The following OPTC variants were observed in gnomAD, a reference collection of about 807,000 sequenced individuals.
The protein encoded by OPTC is oculoglycan.
OPTC carries 22 observed loss-of-function variants against 25.4 expected under a neutral mutation model. The ratio of observed to expected loss-of-function variants is 0.87; its 90% confidence interval spans 0.62 to 1.24. OPTC has a LOEUF of 1.24. OPTC is among the 50% of genes most tolerant of loss of function. The pLI is 0.00. For missense variants in OPTC, 417 were observed against 425.2 expected (o/e 0.98, Z 0.17); for synonymous variants, 169 against 179.3 (o/e 0.94, Z 0.46).
At chr1:203,507,406 G>A (rs569058955) in intron 7 of OPTC, among the ~76,000 whole-genome samples, 83 of 152,308 alleles carry the variant, frequency 5.4e-4, no homozygotes, top group African/African-American at 1.8e-3. Flanking sequence ...CATGCCAGCC[G>A]GCAGTCTAGG....
At chr1:203,504,706 G>A (rs1661448799) in intron 7 of OPTC, among the ~76,000 whole-genome samples, 1 of 152,160 alleles carries the variant, frequency 6.6e-6, no homozygotes, top group Non-Finnish European at 1.5e-5. Flanking sequence ...GAACTGACAC[G>A]AATCTTCACC....
At chr1:203,505,503 G>A (rs1191416419) in intron 7 of OPTC, among the ~76,000 whole-genome samples, 1 of 152,208 alleles carries the variant, frequency 6.6e-6, no homozygotes, top group Non-Finnish European at 1.5e-5. Flanking sequence ...CACGTGGAAA[G>A]GAATCCATGT....
chr1:203,501,544 TTC>T (rs963041750), intron 5 of OPTC, among the ~76,000 whole-genome samples: 5 of 152,174 alleles, frequency 3.3e-5, no homozygotes, highest in African/African-American at 9.7e-5. Context: ...CTCTCTCTCT[TTC>T]TCTCTCTGTC....
chr1:203,503,467 T>C, intron 6 of OPTC, 83 bp from the exon 7 acceptor site: 1 of 1,360,854 alleles, frequency 7.3e-7, no homozygotes, highest in South Asian at 1.2e-5. Flanking sequence ...GCAGAGCTGG[T>C]AGGGACAGCT....
chr1:203,497,173 C>T (rs746096337), intron 3 of OPTC, 58 bp downstream of exon 3: 176 of 1,598,830 alleles, frequency 1.1e-4, no homozygotes, highest in Middle Eastern at 1.6e-4. Context: ...GCAGCTATGA[C>T]CCAGCACCAG....
Position 203,496,085 on chromosome 1 carries a change from G to C in OPTC, c.80G>C (p.Arg27Thr). 4 of 1,614,126 alleles carry C rather than the reference G, an allele frequency of 2.5e-6. No individual in the cohort carries two copies. The highest frequency in any genetic ancestry group is 3.4e-6 in the Non-Finnish European group (4 of 1,179,994). Residue 27 changes from arginine to threonine, a missense_variant, in exon 2 of 8, where the codon AGG (arginine) becomes ACG (threonine). Transcript: ENST00000367222. ...TGTASLPRKE[R>T]KRREEQMPRE... is the part of the protein sequence containing the mutation. ...ACAGCTTCTCTCCCAAGGAAGGAGA[G>C]GAAGAGGAGAGAGGAGCAGATGCCC...
rs79523790 is a variant in OPTC, at chr1:203,502,984, T to C, written c.803T>C (p.Leu268Pro). The change falls in exon 6 of 8, where the codon CTG (leucine) becomes CCG (proline). Residue 268 changes from leucine to proline, a missense_variant. Physicochemically the swap from Leu to Pro is moderately conservative, Grantham distance 98 (BLOSUM62 -3). Transcript: ENST00000367222. ...GATTCTATCCCGGGGCCTTTGCCCCTGAGCCTGCGCTCTGTACACCTGCAG... is the reference window on the plus strand; with the variant it reads ...GATTCTATCCCGGGGCCTTTGCCCCCGAGCCTGCGCTCTGTACACCTGCAG... ...LLDSIPGPLP[L>P]SLRSVHLQNN... The C allele has an allele frequency of 0.056, 90,234 of 1,613,580 alleles. 3,496 individuals carry two copies. Among genetic ancestry groups the C allele is most frequent in the East Asian group, 0.18 (8,281 of 44,868 alleles).
At chr1:203,505,495 C>T (rs1057274963) in intron 7 of OPTC, among the ~76,000 whole-genome samples, 6 of 152,150 alleles carry the variant, frequency 3.9e-5, no homozygotes, top group Admixed American at 6.5e-5. Context: ...TTGTGGGCCA[C>T]GTGGAAAGGA....
Position 203,499,755 on chromosome 1 carries a change from G to A in OPTC, c.636G>A (p.Gln212=), listed in dbSNP as rs1216439424. The part of the protein sequence containing the change: ...ALQDLILPEN[Q]LEALPVLPSG... ...AGGACCTCATCCTCCCAGAGAACCA[G>A]TTGGAAGCTCTGCCCGTGCTGCCCA... The change falls in exon 5 of 8, where the codon CAG becomes CAA. Residue 212 remains glutamine, a synonymous_variant. Transcript: ENST00000367222. 5 of 1,613,118 alleles carry A rather than the reference G, an allele frequency of 3.1e-6. No homozygotes were observed. Among genetic ancestry groups the A allele is most frequent in the East Asian group, 2.2e-5 (1 of 44,882 alleles).
In OPTC at chr1:203,506,883, T is replaced by C. The variant is rs185574687; in HGVS notation, c.*26-1763T>C. 2.0e-5 allele frequency among the ~76,000 whole-genome samples: 3 copies of C among 152,304 alleles called. No homozygotes were observed. The East Asian group carries it at 5.8e-4, about 29-fold the overall frequency. ...GCAGACACCATTTTCAAGTTCCAAT[T>C]AAAGGAGGCCAGCTCCAGAGAGTTT... On this transcript the variant is annotated intron_variant, in intron 7 of 7. Coordinates refer to ENST00000367222, the MANE Select transcript of OPTC (RefSeq NM_014359.4).
chr1:203,494,557 G>A (rs1303267151), intron 1 of OPTC, among the ~76,000 whole-genome samples: 2 of 152,136 alleles, frequency 1.3e-5, no homozygotes, highest in Non-Finnish European at 2.9e-5. Flanking sequence ...GCTGAGGCAG[G>A]AGGACTGCCT....
chr1:203,499,373 G>T (rs1413336043), intron 4 of OPTC, among the ~76,000 whole-genome samples: 2 of 152,102 alleles, frequency 1.3e-5, no homozygotes, highest in Non-Finnish European at 2.9e-5. Flanking sequence ...GGGCCTGTTG[G>T]TTCTCGCTTT....
At chr1:203,500,664 C>T (rs571607139) in intron 5 of OPTC, among the ~76,000 whole-genome samples, 1 of 152,362 alleles carries the variant, frequency 6.6e-6, no homozygotes, top group South Asian at 2.1e-4. Flanking sequence ...GCCTCATGGG[C>T]CTGTTACTGG....
chr1:203,497,462 G>T (rs1463541837), intron 3 of OPTC, among the ~76,000 whole-genome samples: 2 of 152,212 alleles, frequency 1.3e-5, no homozygotes, highest in Admixed American at 6.5e-5. Context: ...ACAATTAAAA[G>T]CCTGTAGAGA....
At chr1:203,499,439 C>G (rs956038908) in intron 4 of OPTC, among the ~76,000 whole-genome samples, 4 of 152,032 alleles carry the variant, frequency 2.6e-5, no homozygotes, top group Non-Finnish European at 5.9e-5. Context: ...GGACAAAACT[C>G]CAGGGAGGGG....
chr1:203,504,489 A>G (rs1489509829), intron 7 of OPTC, among the ~76,000 whole-genome samples: 2 of 152,048 alleles, frequency 1.3e-5, no homozygotes, highest in Non-Finnish European at 2.9e-5. Context: ...ACAAATTGGG[A>G]TTTCCTTTTT....
At chr1:203,498,868 G>C (rs1156268920) in intron 4 of OPTC, 29 bp downstream of exon 4, 2 of 1,612,542 alleles carry the variant, frequency 1.2e-6, no homozygotes, top group Non-Finnish European at 1.7e-6. Flanking sequence ...AAAGAGGAGT[G>C]GGGGCAGGCA....
At chr1:203,496,830 GCA>G in intron 2 of OPTC, 145 bp from the exon 3 acceptor site, 1 of 815,108 alleles carries the variant, frequency 1.2e-6, no homozygotes, top group East Asian at 2.6e-5. Context: ...TCCCCTTTTT[GCA>G]CAGTCTTTCT....
Position 203,496,174 on chromosome 1 carries a change from G to A in OPTC, c.169G>A (p.Gly57Ser), listed in dbSNP as rs1661276409. ...TGATGTCCTGAACCCAGACAACTAT[G>A]GTGAAGTCATTGACCTGAGCAACTA... ...RNDVLNPDNY[G>S]EVIDLSNYEE... The change falls in exon 2 of 8, where the codon GGT becomes AGT. Residue 57 changes from glycine (G) to serine (S), a missense_variant. Coordinates refer to ENST00000367222, the MANE Select transcript of OPTC (RefSeq NM_014359.4). The A allele has an allele frequency of 6.2e-7, 1 of 1,614,014 alleles. No individual in the cohort carries two copies. Among genetic ancestry groups the A allele is most frequent in the Admixed American group, 1.7e-5 (1 of 60,004 alleles).
Sources: gnomAD v4.1 joint callset for allele counts (sites outside exome capture counted in the v4.1 genomes callset) on GRCh38, gnomAD v4.1.1 for gene constraint, MANE v1.5 for transcripts, NCBI Gene and HGNC (gene_info 2026-07-23, HGNC 2026-07-21) for gene names.